The following GABRB2 variants were observed in gnomAD, a reference collection of about 807,000 sequenced individuals.
GABRB2 encodes gamma-aminobutyric acid receptor subunit beta-2.
A neutral mutation model predicts 54.7 loss-of-function variants in GABRB2; 16 were observed. The observed-to-expected ratio is 0.29, with a 90% confidence interval of 0.20 to 0.44. GABRB2 has a LOEUF of 0.44. GABRB2 is among the 20% of genes least tolerant of loss of function. GABRB2 has a pLI of 1.00. For synonymous variants in GABRB2, 244 were observed against 233.8 expected, an observed-to-expected ratio of 1.04 and a Z score of -0.40; for missense variants, 355 against 644.0, an observed-to-expected ratio of 0.55 and a Z score of 4.86.
intron 5 of GABRB2, among the ~76,000 whole-genome samples, chr5:161,362,304 A>G (rs1486105397): frequency 6.6e-6 from 1 of 152,082 alleles, no homozygotes; most frequent in East Asian, 1.9e-4. Context: ...TTTTTTTCTA[A>G]TTCTGTGAAG....
At chr5:161,543,404 C>T (rs529648311) in intron 3 of GABRB2, among the ~76,000 whole-genome samples, 29 of 152,276 alleles carry the variant, frequency 1.9e-4, no homozygotes, top group Middle Eastern at 3.4e-3. Flanking sequence ...TATTAGCTAA[C>T]CTACTGCAGC....
chr5:161,322,127 A>G (rs1473741928), intron 9 of GABRB2, among the ~76,000 whole-genome samples: 2 of 152,180 alleles, frequency 1.3e-5, no homozygotes, highest in Admixed American at 6.5e-5. Flanking sequence ...GTCTCAGCTC[A>G]CTACTCAAAA....
intron 4 of GABRB2, among the ~76,000 whole-genome samples, chr5:161,457,216 T>C (rs1410612064): frequency 6.6e-6 from 1 of 152,154 alleles, no homozygotes; most frequent in Non-Finnish European, 1.5e-5. Context: ...GTTAATTCTA[T>C]GTATGTTAGA....
intron 3 of GABRB2, among the ~76,000 whole-genome samples, chr5:161,474,621 T>C (rs977300968): frequency 1.3e-5 from 2 of 151,978 alleles, no homozygotes; most frequent in African/African-American, 2.4e-5. Flanking sequence ...TAGGTATCAA[T>C]GTGTTCTGCT....
At chr5:161,374,725 C>T (rs2113473335) in intron 5 of GABRB2, among the ~76,000 whole-genome samples, 1 of 152,242 alleles carries the variant, frequency 6.6e-6, no homozygotes, top group East Asian at 1.9e-4. Context: ...CTGTATATTG[C>T]TTAGCAGTTT....
intron 5 of GABRB2, among the ~76,000 whole-genome samples, chr5:161,366,258 G>A (rs934821233): frequency 6.6e-6 from 1 of 151,892 alleles, no homozygotes; most frequent in African/African-American, 2.4e-5. Flanking sequence ...TGACTGGCAC[G>A]GCTAGCTGCA....
chr5:161,535,949 C>G (rs1760620984), intron 3 of GABRB2, among the ~76,000 whole-genome samples: 1 of 152,018 alleles, frequency 6.6e-6, no homozygotes. Context: ...AGCCTGGTAC[C>G]TCCCCCTACT....
chr5:161,527,961 C>A (rs998062245), intron 3 of GABRB2, among the ~76,000 whole-genome samples: 2 of 151,412 alleles, frequency 1.3e-5, no homozygotes, highest in African/African-American at 4.8e-5. Context: ...AAGAATTTAC[C>A]AAAGAAAATA....
chr5:161,310,335 TGAAAG>T (rs1174181200), intron 9 of GABRB2, among the ~76,000 whole-genome samples: 5 of 152,262 alleles, frequency 3.3e-5, no homozygotes, highest in African/African-American at 9.6e-5. Context: ...AATAGAGAAA[TGAAAG>T]GAAAGTTTTC....
intron 3 of GABRB2, among the ~76,000 whole-genome samples, chr5:161,497,227 C>T (rs1196398676): frequency 1.3e-5 from 2 of 152,024 alleles, no homozygotes; most frequent in East Asian, 3.9e-4. Context: ...TCTTTAAGTC[C>T]ATAAGGCAGC....
At chr5:161,497,559 T>TGTGTG (rs58735264) in intron 3 of GABRB2, among the ~76,000 whole-genome samples, 4 of 150,498 alleles carry the variant, frequency 2.7e-5, no homozygotes, top group African/African-American at 2.4e-5. Flanking sequence ...TGTGTGTGTG[T>TGTGTG]TTTATTTAGT....
At chr5:161,464,441 G>A (rs2043113767) in intron 3 of GABRB2, among the ~76,000 whole-genome samples, 1 of 152,066 alleles carries the variant, frequency 6.6e-6, no homozygotes, top group African/African-American at 2.4e-5. Flanking sequence ...AAAAACAACT[G>A]ACAATTCCGA....
intron 5 of GABRB2, among the ~76,000 whole-genome samples, chr5:161,372,602 T>A (rs945556983): frequency 3.3e-5 from 5 of 152,152 alleles, no homozygotes; most frequent in Non-Finnish European, 7.4e-5. Flanking sequence ...AGGGAAGCAT[T>A]CATGTCCCTG....
At chr5:161,362,879 C>T (rs900493486) in intron 5 of GABRB2, among the ~76,000 whole-genome samples, 29 of 152,144 alleles carry the variant, frequency 1.9e-4, no homozygotes, top group Non-Finnish European at 1.9e-4. Context: ...CAGGAAACAA[C>T]AGATGCTGGA....
At chr5:161,433,365 T>C (rs1407079036) in intron 4 of GABRB2, among the ~76,000 whole-genome samples, 1 of 151,034 alleles carries the variant, frequency 6.6e-6, no homozygotes, top group Non-Finnish European at 1.5e-5. Flanking sequence ...TCTGGGAGAC[T>C]GAGGTGGGCG....
intron 3 of GABRB2, among the ~76,000 whole-genome samples, chr5:161,539,455 C>A (rs901502169): frequency 1.3e-5 from 2 of 152,168 alleles, no homozygotes; most frequent in Non-Finnish European, 2.9e-5. Flanking sequence ...TCATGATTTT[C>A]TAGATTTTCA....
At chr5:161,463,467 A>T (rs897858787) in intron 3 of GABRB2, among the ~76,000 whole-genome samples, 1 of 147,360 alleles carries the variant, frequency 6.8e-6, no homozygotes, top group Non-Finnish European at 1.5e-5. Flanking sequence ...ATGCTATCTC[A>T]TTTAATCTCA....
At chr5:161,452,988 A>C (rs1164815299) in intron 4 of GABRB2, among the ~76,000 whole-genome samples, 1 of 152,118 alleles carries the variant, frequency 6.6e-6, no homozygotes, top group Non-Finnish European at 1.5e-5. Flanking sequence ...AGAGTGAGAC[A>C]CTGTCTCACA....
intron 9 of GABRB2, among the ~76,000 whole-genome samples, chr5:161,310,331 G>T (rs1276080091): frequency 6.6e-6 from 1 of 152,170 alleles, no homozygotes; most frequent in Non-Finnish European, 1.5e-5. Context: ...AAAAAATAGA[G>T]AAATGAAAGG....
Sources: allele counts gnomAD v4.1 joint callset (sites outside exome capture counted in the v4.1 genomes callset), GRCh38; gene constraint gnomAD v4.1.1; transcripts MANE v1.5; gene names NCBI Gene and HGNC (gene_info 2026-07-23, HGNC 2026-07-21).